The following RXFP2 variants were observed in gnomAD, a reference collection of about 807,000 sequenced individuals.
The protein encoded by RXFP2 is relaxin receptor 2.
RXFP2 carries 68 observed loss-of-function variants against 88.6 expected under a neutral mutation model. The observed-to-expected ratio is 0.77, with a 90% CI of 0.63 to 0.94. RXFP2 has a LOEUF of 0.94. RXFP2 is among the 40% of genes least tolerant of loss of function. RXFP2 has a pLI of 0.00. For missense variants in RXFP2, 791 were observed against 893.9 expected, an observed-to-expected ratio of 0.88 and a Z score of 1.47; for synonymous variants, 329 against 306.8, an observed-to-expected ratio of 1.07 and a Z score of -0.76.
intron 1 of RXFP2, among the ~76,000 whole-genome samples, chr13:31,745,691 T>C (rs1024900291): frequency 6.6e-6 from 1 of 152,248 alleles, no homozygotes; most frequent in Non-Finnish European, 1.5e-5. Flanking sequence ...CTTTCTCTCC[T>C]ACAACCCAAA....
At chr13:31,754,485 T>C (rs2138396986) in intron 1 of RXFP2, among the ~76,000 whole-genome samples, 1 of 152,144 alleles carries the variant, frequency 6.6e-6, no homozygotes, top group Middle Eastern at 3.4e-3. Flanking sequence ...GAGCCGAGAT[T>C]GTGCCACTGC....
intron 9 of RXFP2, 52 bp from the exon 10 acceptor site, chr13:31,781,619 C>A: frequency 7.9e-7 from 1 of 1,266,496 alleles, no homozygotes; most frequent in Non-Finnish European, 1.1e-6. Flanking sequence ...TATCTCTAAG[C>A]ATATGATTTG....
intron 3 of RXFP2, among the ~76,000 whole-genome samples, chr13:31,762,356 A>C (rs1057048234): frequency 6.6e-6 from 1 of 152,224 alleles, no homozygotes; most frequent in Non-Finnish European, 1.5e-5. Flanking sequence ...AAAGGATATG[A>C]GGTGACAGGA....
intron 2 of RXFP2, among the ~76,000 whole-genome samples, 179 bp from the exon 3 acceptor site, chr13:31,761,545 A>AC (rs1872301481): frequency 6.6e-6 from 1 of 152,194 alleles, no homozygotes; most frequent in Non-Finnish European, 1.5e-5. Flanking sequence ...TTTTTCATGT[A>AC]AAAAAGGGAC....
chr13:31,792,570 G>A, intron 15 of RXFP2, 108 bp from the exon 16 acceptor site: 2 of 1,049,354 alleles, frequency 1.9e-6, no homozygotes, highest in Non-Finnish European at 1.5e-6. Flanking sequence ...TAAGATGAAA[G>A]GAACTAGATC....
intron 5 of RXFP2, among the ~76,000 whole-genome samples, chr13:31,771,712 AC>A (rs1456135739): frequency 1.3e-5 from 2 of 150,946 alleles, no homozygotes; most frequent in African/African-American, 2.4e-5. Flanking sequence ...GAATCGCTTG[AC>A]CCCAAAAAGT....
intron 5 of RXFP2, among the ~76,000 whole-genome samples, chr13:31,772,637 G>A (rs1872773632): frequency 6.6e-6 from 1 of 152,234 alleles, no homozygotes; most frequent in Non-Finnish European, 1.5e-5. Flanking sequence ...TTCAAGTTCA[G>A]CAGCCTAAGT....
chr13:31,768,605 C>G lies in RXFP2; in HGVS notation c.497+2578C>G, dbSNP rs367784824. Among the ~76,000 whole-genome samples the G allele has an allele frequency of 3.9e-5, 6 of 152,142 alleles. No homozygotes were observed. The East Asian group carries it at 7.7e-4, about 20-fold the overall frequency. On this transcript the variant is annotated intron_variant, in intron 5 of 17. Transcript: ENST00000298386. ...TGACCATGCTCCTTTGGAAGCCCAC[C>G]CACATAGTCCAGGCTCAGAATATGT...
intron 5 of RXFP2, among the ~76,000 whole-genome samples, chr13:31,766,955 A>G (rs1037928236): frequency 6.6e-6 from 1 of 152,148 alleles, no homozygotes; most frequent in East Asian, 1.9e-4. Flanking sequence ...ATTAGACTAG[A>G]TAACAAAATT....
chr13:31,761,646 C>A (rs1217189222), intron 2 of RXFP2, 78 bp from the exon 3 acceptor site: 10 of 936,296 alleles, frequency 1.1e-5, no homozygotes, highest in East Asian at 2.5e-5. Context: ...AGTTTAAAAT[C>A]ATTACCAAAT....
In RXFP2 at chr13:31,802,763, A is replaced by T; in HGVS notation, c.*358A>T. ...TCGGGTTGCACTGTCCATGAAATAG[A>T]AACACTCACAACATCTGATTCCAGT... On this transcript the variant is annotated 3_prime_UTR_variant, in exon 18 of 18. Coordinates refer to ENST00000298386, the MANE Select transcript of RXFP2 (RefSeq NM_130806.5). The T allele has an allele frequency of 4.4e-6, 1 of 225,594 alleles. No individual in the cohort carries two copies. The highest frequency in any genetic ancestry group is 8.9e-6 in the Non-Finnish European group (1 of 112,206). The allele number at this position is 225,594 out of a possible 1,614,324, so 14.0% of individuals were successfully genotyped here. A position where few individuals can be genotyped will look rare whatever the true frequency, so the allele number is the denominator to read the frequency against.
intron 11 of RXFP2, among the ~76,000 whole-genome samples, chr13:31,783,816 T>TG (rs1461179902): frequency 1.3e-5 from 2 of 151,330 alleles, no homozygotes; most frequent in African/African-American, 4.9e-5. Flanking sequence ...TTGTTTGTTT[T>TG]GTTTTGTTTT....
chr13:31,745,743 G>A (rs9548935), intron 1 of RXFP2, among the ~76,000 whole-genome samples: 88,442 of 152,008 alleles, frequency 0.58, 26,391 homozygotes, highest in South Asian at 0.71. Context: ...TTCTGTGTCT[G>A]TGGAAGAGTA....
chr13:31,795,210 C>T (rs113664467), intron 16 of RXFP2, among the ~76,000 whole-genome samples: 20,715 of 150,730 alleles, frequency 0.14, 1,413 homozygotes, highest in East Asian at 0.19. Context: ...AGTGCAGTAG[C>T]GCCATCTCGG....
Position 31,775,363 on chromosome 13 carries a change from CAA to C in RXFP2, c.617_618del (p.Lys206ArgfsTer12), listed in dbSNP as rs1216887274. On this transcript the variant is annotated frameshift_variant, in exon 7 of 18. Transcript: ENST00000298386. LOFTEE classifies it high-confidence loss of function. ...TCACAACCCTCAGACCTGGAATATT[CAA>C]AGACTTACATCAGCTAACTTGGCTG... Reference protein sequence around the residue: ...CITTLRPGIFKDLHQLTWLIL... With the variant: ...CITTLRPGIFXDLHQLTWLIL... 6.2e-7 allele frequency: 1 copy of C among 1,613,240 alleles called. No individual in the cohort carries two copies. The highest frequency in any genetic ancestry group is 1.3e-5 in the African/African-American group (1 of 74,882).
chr13:31,777,816 T>C (rs2138434692), intron 8 of RXFP2, among the ~76,000 whole-genome samples: 1 of 152,348 alleles, frequency 6.6e-6, no homozygotes, highest in Non-Finnish European at 1.5e-5. Context: ...CCATTTTTAA[T>C]GGAAGAAAAT....
At chr13:31,754,111 T>C (rs1431907315) in intron 1 of RXFP2, among the ~76,000 whole-genome samples, 21 of 152,208 alleles carry the variant, frequency 1.4e-4, no homozygotes, top group Non-Finnish European at 2.1e-4. Context: ...CAACTCAATC[T>C]TTTTTCTAGG....
intron 1 of RXFP2, among the ~76,000 whole-genome samples, chr13:31,752,206 G>A (rs961315178): frequency 3.3e-5 from 5 of 152,118 alleles, no homozygotes; most frequent in Non-Finnish European, 7.4e-5. Context: ...ACAAAGTTAG[G>A]CAGCATTTCC....
chr13:31,776,118 C>CTTTCTTTA (rs1555284084), intron 7 of RXFP2, among the ~76,000 whole-genome samples: 2 of 139,308 alleles, frequency 1.4e-5, no homozygotes, highest in Non-Finnish European at 3.1e-5. Flanking sequence ...TTCTTTCTTT[C>CTTTCTTTA]TTTCTTTCTT....
Sources: allele counts gnomAD v4.1 joint callset (sites outside exome capture counted in the v4.1 genomes callset), GRCh38; gene constraint gnomAD v4.1.1; transcripts MANE v1.5; gene names NCBI Gene and HGNC (gene_info 2026-07-23, HGNC 2026-07-21).